Variants in INSL6 observed in about 807,000 individuals in gnomAD.
The protein encoded by INSL6 is insulin-like peptide INSL6.
In INSL6, 16 loss-of-function variants were observed where a neutral mutation model predicts 9.4. That is an observed-to-expected ratio of 1.70 (90% CI 1.15 to 2.59). INSL6 has a LOEUF of 2.59. INSL6 is among the 30% of genes most tolerant of loss of function. The probability of loss-of-function intolerance (pLI) is 0.00; values close to 1 mark genes in which losing one functional copy is unlikely to be tolerated. For synonymous variants in INSL6, 154 were observed against 96.9 expected (o/e 1.59, Z -3.46); for missense variants, 391 against 257.3 (o/e 1.52, Z -3.56).
chr9:5,026,253 C>G, the INSL6 span, among the ~76,000 whole-genome samples: 3 of 152,132 alleles, frequency 2.0e-5, no homozygotes, highest in South Asian at 2.1e-4. Context: ...ATTTTTAGTA[C>G]ATGATATTGG....
chr9:5,124,637 A>G (rs1220055737), intron 3 of INSL6, among the ~76,000 whole-genome samples: 1 of 151,932 alleles, frequency 6.6e-6, no homozygotes, highest in Non-Finnish European at 1.5e-5. Context: ...TGGAAGCATC[A>G]CATTACTTGA....
chr9:5,033,243 A>G, the INSL6 span, among the ~76,000 whole-genome samples: 313 of 152,366 alleles, frequency 2.1e-3, no homozygotes, highest in African/African-American at 6.8e-3. Flanking sequence ...ATATGGGACT[A>G]TGTGAAAAGA....
intron 1 of INSL6, among the ~76,000 whole-genome samples, chr9:5,175,489 A>G (rs900161541): frequency 6.6e-6 from 1 of 152,044 alleles, no homozygotes; most frequent in Non-Finnish European, 1.5e-5. Context: ...GCATCACCCC[A>G]AAACAAAGTC....
At chr9:5,089,625 T>G in the INSL6 span, 1 of 896,390 alleles carries the variant, frequency 1.1e-6, no homozygotes, top group Non-Finnish European at 1.6e-6. Flanking sequence ...TTATTTGTAA[T>G]TTGCCTTGAA....
the INSL6 span, among the ~76,000 whole-genome samples, chr9:5,032,204 GGC>G: frequency 1.3e-5 from 2 of 152,362 alleles, no homozygotes; most frequent in South Asian, 4.1e-4. Flanking sequence ...CTGGGGGAGG[GGC>G]GCCCGCCATT....
the INSL6 span, chr9:5,055,746 A>G: frequency 1.9e-6 from 3 of 1,611,020 alleles, no homozygotes; most frequent in Admixed American, 5.0e-5. Context: ...GTTCAAATGA[A>G]AGCCGAGTTG....
chr9:5,148,318 G>A (rs1190328142), intron 2 of INSL6, among the ~76,000 whole-genome samples: 1 of 152,046 alleles, frequency 6.6e-6, no homozygotes, highest in African/African-American at 2.4e-5. Flanking sequence ...TTATAGTTTC[G>A]GCTGTGATCC....
chr9:5,088,136 C>T, the INSL6 span, among the ~76,000 whole-genome samples: 1 of 152,126 alleles, frequency 6.6e-6, no homozygotes, highest in Non-Finnish European at 1.5e-5. Context: ...TGAAAAACCT[C>T]ATTTTAGGGA....
the INSL6 span, chr9:5,080,298 C>T: frequency 6.2e-7 from 1 of 1,613,142 alleles, no homozygotes; most frequent in Non-Finnish European, 8.5e-7. Flanking sequence ...AATTTGGCAA[C>T]AGACAAATGG....
At chr9:5,008,733 T>C in the INSL6 span, among the ~76,000 whole-genome samples, 5 of 152,184 alleles carry the variant, frequency 3.3e-5, no homozygotes, top group African/African-American at 1.2e-4. Context: ...TTAAATGTTA[T>C]CTCCTCTCAG....
At chr9:5,092,776 G>C in the INSL6 span, among the ~76,000 whole-genome samples, 3 of 152,142 alleles carry the variant, frequency 2.0e-5, no homozygotes, top group African/African-American at 7.2e-5. Context: ...CATGAGTAGT[G>C]GTGATAAGCC....
At chr9:5,042,474 C>T in the INSL6 span, among the ~76,000 whole-genome samples, 1 of 152,180 alleles carries the variant, frequency 6.6e-6, no homozygotes, top group African/African-American at 2.4e-5. Flanking sequence ...GTCTAGTCCT[C>T]CCCTCCAAGA....
At chr9:5,055,760 C>T in the INSL6 span, 1 of 1,610,710 alleles carries the variant, frequency 6.2e-7, no homozygotes, top group South Asian at 1.1e-5. Flanking sequence ...CGAGTTGTAA[C>T]TATCCATAAG....
At chr9:5,085,282 C>T in the INSL6 span, 1 of 704,178 alleles carries the variant, frequency 1.4e-6, no homozygotes, top group Non-Finnish European at 2.7e-6. Context: ...TGTTGGTTTG[C>T]CTATGTTAGA....
intron 3 of INSL6, among the ~76,000 whole-genome samples, chr9:5,130,104 T>C (rs765072461): frequency 6.6e-6 from 1 of 152,124 alleles, no homozygotes. Context: ...AAGTTGTTAA[T>C]GATCATTATC....
the INSL6 span, chr9:5,094,729 T>C: frequency 1.3e-5 from 2 of 152,176 alleles, no homozygotes; most frequent in Non-Finnish European, 2.9e-5. Flanking sequence ...GCAAGTTCAT[T>C]TGCCCTCTTC....
chr9:5,117,477 T>C, the INSL6 span, among the ~76,000 whole-genome samples: 1 of 152,194 alleles, frequency 6.6e-6, no homozygotes, highest in Non-Finnish European at 1.5e-5. Context: ...TGGATGTTAT[T>C]TGCTCTTTTC....
the INSL6 span, among the ~76,000 whole-genome samples, chr9:5,025,423 G>A: frequency 6.6e-6 from 1 of 151,594 alleles, no homozygotes; most frequent in Non-Finnish European, 1.5e-5. Context: ...GCCTGATGGT[G>A]GTTTTTTCTT....
At chr9:5,109,782 CA>C in the INSL6 span, 1 of 152,152 alleles carries the variant, frequency 6.6e-6, no homozygotes, top group African/African-American at 2.4e-5. Flanking sequence ...GTAGAATTCT[CA>C]ATATGATATA....
Sources: gnomAD v4.1 joint callset for allele counts (sites outside exome capture counted in the v4.1 genomes callset) on GRCh38, gnomAD v4.1.1 for gene constraint, MANE v1.5 for transcripts, NCBI Gene and HGNC (gene_info 2026-07-23, HGNC 2026-07-21) for gene names.